BNC2: variants seen among roughly 807,000 people sequenced by gnomAD.
BNC2 encodes basonuclin zinc finger protein 2.
Under a neutral mutation model 76.3 loss-of-function variants are expected in BNC2, and 20 were observed. The ratio of observed to expected loss-of-function variants is 0.26; its 90% confidence interval spans 0.18 to 0.38. The LOEUF (loss-of-function observed/expected upper bound fraction) is 0.38, where lower values mean the gene tolerates loss of function less well. Among genes scored for constraint, BNC2 ranks in the 10% least tolerant of loss-of-function variants. BNC2 has a pLI of 1.00. For missense variants in BNC2, 1,382 were observed against 1,399.8 expected (o/e 0.99, Z 0.20); for synonymous variants, 582 against 514.8 (o/e 1.13, Z -1.77).
rs77681956 is a variant in BNC2, at chr9:16,708,241, A to T, written c.330+19556T>A. Among the ~76,000 whole-genome samples, 3 of 152,352 alleles carry T rather than the reference A, an allele frequency of 2.0e-5. No individual in the cohort carries two copies. In the East Asian group the frequency reaches 5.8e-4, roughly 29 times the overall value. The stretch of plus-strand genomic sequence containing the variant: ...CCGTGATTTCCATTTTCCTTGAGCC[A>T]AAAGAAAACTTTACTGTGTTAAATG... On this transcript the variant is annotated intron_variant, in intron 3 of 6. Transcript: ENST00000380672.
chr9:16,857,728 A>G (rs1232562148), intron 1 of BNC2, among the ~76,000 whole-genome samples: 1 of 152,220 alleles, frequency 6.6e-6, no homozygotes, highest in Non-Finnish European at 1.5e-5. Flanking sequence ...TTTGTCTAAA[A>G]TAACTGGCAA....
At chr9:16,558,533 C>T (rs1387380848) in intron 4 of BNC2, among the ~76,000 whole-genome samples, 1 of 152,170 alleles carries the variant, frequency 6.6e-6, no homozygotes, top group Non-Finnish European at 1.5e-5. Flanking sequence ...CTCCCTGTCC[C>T]CTCTGCCATT....
chr9:16,433,619 A>G (rs981959204), intron 6 of BNC2, among the ~76,000 whole-genome samples: 4 of 152,322 alleles, frequency 2.6e-5, no homozygotes, highest in African/African-American at 9.6e-5. Context: ...CAGTACCTCA[A>G]CAGTGCCTCC....
At chr9:16,796,320 T>A (rs919755279) in intron 1 of BNC2, among the ~76,000 whole-genome samples, 2 of 152,220 alleles carry the variant, frequency 1.3e-5, no homozygotes, top group African/African-American at 4.8e-5. Context: ...TTTAAATAAC[T>A]ACACCCTGAT....
chr9:16,845,339 A>T (rs537440512), intron 1 of BNC2, among the ~76,000 whole-genome samples: 1 of 152,328 alleles, frequency 6.6e-6, no homozygotes, highest in East Asian at 1.9e-4. Flanking sequence ...CAGTCCTCAG[A>T]AGTCACATGG....
chr9:16,507,861 C>T (rs375425410), intron 5 of BNC2, among the ~76,000 whole-genome samples: 8 of 152,262 alleles, frequency 5.3e-5, no homozygotes, highest in African/African-American at 1.9e-4. Context: ...GAATATTCTC[C>T]CACTTGCTTA....
At chr9:16,474,773 C>G (rs1196246860) in intron 5 of BNC2, among the ~76,000 whole-genome samples, 5 of 152,024 alleles carry the variant, frequency 3.3e-5, no homozygotes, top group South Asian at 2.1e-4. Context: ...CAGAGAATAT[C>G]CCAAAACTGA....
At chr9:16,623,239 G>A (rs1820911110) in intron 3 of BNC2, among the ~76,000 whole-genome samples, 1 of 152,130 alleles carries the variant, frequency 6.6e-6, no homozygotes, top group South Asian at 2.1e-4. Flanking sequence ...AGCCACCAGA[G>A]ATTGAAAGTG....
At chr9:16,619,865 T>C (rs1820816022) in intron 3 of BNC2, among the ~76,000 whole-genome samples, 1 of 152,168 alleles carries the variant, frequency 6.6e-6, no homozygotes, top group African/African-American at 2.4e-5. Flanking sequence ...AGGTGGTAAG[T>C]GTTCTTCTCT....
chr9:16,714,142 C>A (rs569771092), intron 3 of BNC2, among the ~76,000 whole-genome samples: 19 of 152,144 alleles, frequency 1.2e-4, no homozygotes, highest in Non-Finnish European at 2.2e-4. Context: ...TGTCTGCCAC[C>A]CACTTCGTCT....
chr9:16,494,980 A>G (rs1822356575), intron 5 of BNC2, among the ~76,000 whole-genome samples: 1 of 150,790 alleles, frequency 6.6e-6, no homozygotes. Context: ...AAAGTATAAT[A>G]AAATAAAATA....
At chr9:16,510,479 G>A (rs182153480) in intron 5 of BNC2, among the ~76,000 whole-genome samples, 46 of 152,246 alleles carry the variant, frequency 3.0e-4, no homozygotes, top group Admixed American at 1.2e-3. Flanking sequence ...TTCTTCTTTC[G>A]CTTACCCTTA....
Position 16,829,731 on chromosome 9 carries a change from A to C in BNC2, c.3+40915T>G, listed in dbSNP as rs1267543332. ...TTGCTGATCAAAATATTTTTAATGT[A>C]CAAAATTCAACTACAAATGCTACTT... On this transcript the variant is annotated intron_variant, in intron 1 of 6. Coordinates refer to ENST00000380672, the MANE Select transcript of BNC2 (RefSeq NM_017637.6). 2.6e-5 allele frequency among the ~76,000 whole-genome samples: 4 copies of C among 152,366 alleles called. No individual in the cohort carries two copies. In the East Asian group the frequency reaches 7.7e-4, roughly 29 times the overall value.
intron 1 of BNC2, among the ~76,000 whole-genome samples, chr9:16,851,505 C>A (rs1400609285): frequency 1.3e-5 from 2 of 151,888 alleles, no homozygotes; most frequent in East Asian, 3.9e-4. Context: ...GACCCTGTCT[C>A]AAAAAAATAA....
chr9:16,780,035 G>C (rs886394773), intron 1 of BNC2, among the ~76,000 whole-genome samples: 8 of 151,666 alleles, frequency 5.3e-5, no homozygotes, highest in Non-Finnish European at 8.8e-5. Flanking sequence ...AGCAGATCGA[G>C]ACCATCCTGG....
chr9:16,439,111 C>T (rs569573084), intron 5 of BNC2, among the ~76,000 whole-genome samples: 1 of 152,292 alleles, frequency 6.6e-6, no homozygotes, highest in African/African-American at 2.4e-5. Context: ...TAAGATGTGA[C>T]TTTGCTCCTC....
At chr9:16,500,782 T>G (rs769253002) in intron 5 of BNC2, among the ~76,000 whole-genome samples, 2 of 152,176 alleles carry the variant, frequency 1.3e-5, no homozygotes, top group Non-Finnish European at 2.9e-5. Flanking sequence ...CATCACTCTG[T>G]TTTAAGAGTA....
intron 3 of BNC2, among the ~76,000 whole-genome samples, chr9:16,695,264 G>A (rs1010864898): frequency 1.5e-4 from 23 of 152,106 alleles, no homozygotes; most frequent in African/African-American, 5.6e-4. Flanking sequence ...TTACCCAATG[G>A]TAAGTAATAC....
rs112121094 is a variant in BNC2, at chr9:16,473,750, G to A, written c.670-36226C>T. Among the ~76,000 whole-genome samples the A allele has an allele frequency of 7.4e-3, 1,128 of 152,276 alleles. 25 individuals are homozygous for A. Among genetic ancestry groups the A allele is most frequent in the South Asian group, 0.067 (325 of 4,828 alleles). ...TAGCCGGGTGTGGTGGTGTACTCCT[G>A]TAGTCCCAGCTACTTGGGAGGCTGA... is the stretch of plus-strand genomic sequence containing the variant. On this transcript the variant is annotated intron_variant, in intron 5 of 6. Transcript: ENST00000380672.
Sources: gnomAD v4.1 joint callset for allele counts (sites outside exome capture counted in the v4.1 genomes callset) on GRCh38, gnomAD v4.1.1 for gene constraint, MANE v1.5 for transcripts, NCBI Gene and HGNC (gene_info 2026-07-23, HGNC 2026-07-21) for gene names.